SEMA6D: variants seen among roughly 807,000 people sequenced by gnomAD.
The protein encoded by SEMA6D is semaphorin-6D.
In SEMA6D, 35 loss-of-function variants were observed where a neutral mutation model predicts 106.6. That is an observed-to-expected ratio of 0.33 (90% CI 0.25 to 0.44). The LOEUF (loss-of-function observed/expected upper bound fraction) is 0.44, where lower values mean the gene tolerates loss of function less well. Among genes scored for constraint, SEMA6D ranks in the 20% least tolerant of loss-of-function variants. The pLI, the probability that SEMA6D is intolerant of heterozygous loss-of-function variation, is 1.00. For missense variants in SEMA6D, 1,185 were observed against 1,345.9 expected (o/e 0.88, Z 1.87); for synonymous variants, 499 against 487.7 (o/e 1.02, Z -0.31).
At chr15:47,611,543 G>A (rs1438554899) in intron 4 of SEMA6D, among the ~76,000 whole-genome samples, 1 of 152,114 alleles carries the variant, frequency 6.6e-6, no homozygotes, top group Non-Finnish European at 1.5e-5. Flanking sequence ...TTATCATTAG[G>A]CTGACGTAAT....
chr15:47,754,490 T>C (rs2147449744), intron 1 of SEMA6D, among the ~76,000 whole-genome samples: 1 of 152,344 alleles, frequency 6.6e-6, no homozygotes, highest in East Asian at 1.9e-4. Flanking sequence ...CTGGCTTCCA[T>C]TGTTTCTACT....
At chr15:47,765,174 T>C (rs903754081) in intron 13 of SEMA6D, 118 bp downstream of exon 13, 1 of 1,460,334 alleles carries the variant, frequency 6.8e-7, no homozygotes, top group Non-Finnish European at 9.0e-7. Context: ...AATAGTGTTT[T>C]GTGTTTTTTT....
intron 3 of SEMA6D, among the ~76,000 whole-genome samples, chr15:47,520,420 A>AT: frequency 6.6e-6 from 1 of 152,288 alleles, no homozygotes; most frequent in South Asian, 2.1e-4. Flanking sequence ...CCACATCGCA[A>AT]TTTCTCAACA....
In SEMA6D at chr15:47,768,545, C is replaced by G. The variant is rs755571007; in HGVS notation, c.1766-36C>G. On this transcript the variant is annotated intron_variant, in intron 17 of 18. Coordinates refer to ENST00000536845, the MANE Select transcript of SEMA6D (RefSeq NM_001358351.3). ...AGACCAATCAAAAAAAATCTTGACA[C>G]TATCCATATTAATAAAAATCTGTTT... is the stretch of plus-strand genomic sequence containing the variant. The G allele has an allele frequency of 4.0e-6, 6 of 1,497,902 alleles. No homozygotes were observed. The Admixed American group carries it at 1.2e-4, about 29-fold the overall frequency. 92.8% of individuals were successfully genotyped at this position (1,497,902 alleles called of 1,614,324 possible).
At position 47,273,623 on chromosome 15, in the gene SEMA6D, A is replaced by T. The variant is rs576996309; in HGVS notation, c.-239+89205A>T. On this transcript the variant is annotated intron_variant, in intron 1 of 19. Coordinates refer to the SEMA6D transcript ENST00000558014. ...ATGTTAGTCCCCACATCAAATAATA[A>T]GCCTGCTATAATTCCAAACCACTTA... is the stretch of plus-strand genomic sequence containing the variant. Among the ~76,000 whole-genome samples the T allele has an allele frequency of 2.0e-5, 3 of 152,316 alleles. No individual in the cohort carries two copies. The South Asian group carries it at 6.2e-4, about 32-fold the overall frequency.
chr15:47,212,349 TC>T, intron 1 of SEMA6D, among the ~76,000 whole-genome samples: 1 of 152,356 alleles, frequency 6.6e-6, no homozygotes, highest in East Asian at 1.9e-4. Flanking sequence ...TTGAGAAATT[TC>T]ACTTCAGACA....
intron 3 of SEMA6D, among the ~76,000 whole-genome samples, chr15:47,527,262 A>C (rs1223943396): frequency 6.6e-6 from 1 of 152,136 alleles, no homozygotes; most frequent in Non-Finnish European, 1.5e-5. Flanking sequence ...AAATATATAC[A>C]TTTATTAAGA....
intron 1 of SEMA6D, among the ~76,000 whole-genome samples, chr15:47,407,403 C>CAAAAAAAAAAAAAAAA (rs1462088729): frequency 1.1e-4 from 9 of 82,264 alleles, no homozygotes; most frequent in South Asian, 4.1e-4. Flanking sequence ...ACAACAACAA[C>CAAAAAAAAAAAAAAAA]AACAACAAAA....
chr15:47,218,156 G>A (rs568028200), intron 1 of SEMA6D, among the ~76,000 whole-genome samples: 1 of 152,232 alleles, frequency 6.6e-6, no homozygotes. Context: ...GGAAAATGAA[G>A]GAAATGCCTG....
At chr15:47,544,894 C>T (rs150695818) in intron 3 of SEMA6D, among the ~76,000 whole-genome samples, 8 of 151,992 alleles carry the variant, frequency 5.3e-5, no homozygotes, top group South Asian at 2.1e-4. Context: ...ATCTGTTAAA[C>T]GATATGAATG....
At chr15:47,378,645 G>A (rs1258080384) in intron 1 of SEMA6D, among the ~76,000 whole-genome samples, 1 of 152,296 alleles carries the variant, frequency 6.6e-6, no homozygotes, top group East Asian at 1.9e-4. Flanking sequence ...TCCACCAAGT[G>A]CTGCCTCCAA....
chr15:47,328,798 A>C (rs919194173), intron 1 of SEMA6D, among the ~76,000 whole-genome samples: 1 of 152,198 alleles, frequency 6.6e-6, no homozygotes, highest in African/African-American at 2.4e-5. Context: ...GAAATGGCCC[A>C]CCAAAGAGAG....
At chr15:47,402,747 C>CTT (rs11344225) in intron 1 of SEMA6D, among the ~76,000 whole-genome samples, 2,449 of 121,410 alleles carry the variant, frequency 0.02, 79 homozygotes, top group African/African-American at 0.071. Context: ...GTGAGCCAGA[C>CTT]TTTTTTTTTT....
Position 47,770,537 on chromosome 15 carries a change from G to A in SEMA6D, c.1974G>A (p.Met658Ile). ...WEVQSGESNQ[M>I]VHMNVLITCV... is the part of the protein sequence containing the mutation. Reference sequence around the variant, plus strand: ...TCCAGTCTGGAGAGTCCAACCAGATGGTCCACATGAATGTCCTCATCACCT... The same window carrying A: ...TCCAGTCTGGAGAGTCCAACCAGATAGTCCACATGAATGTCCTCATCACCT... The change falls in exon 19 of 19, where the codon ATG becomes ATA. Residue 658 changes from methionine to isoleucine, a missense_variant. Met to Ile is a conservative substitution (Grantham distance 10). This residue lies in a region of SEMA6D where 750 missense variants were observed against 783.5 expected (regional missense o/e 0.96). Transcript: ENST00000536845. 1 of 1,608,854 alleles carries A rather than the reference G, an allele frequency of 6.2e-7. No homozygotes were observed. The highest frequency in any genetic ancestry group is 8.5e-7 in the Non-Finnish European group (1 of 1,175,794).
chr15:47,291,882 C>G (rs1052219625), intron 1 of SEMA6D, among the ~76,000 whole-genome samples: 2 of 152,278 alleles, frequency 1.3e-5, no homozygotes, highest in East Asian at 3.9e-4. Flanking sequence ...CTCTCTCTCT[C>G]AAGTCAGAGT....
At chr15:47,285,806 T>A (rs1210597871) in intron 1 of SEMA6D, among the ~76,000 whole-genome samples, 13 of 152,200 alleles carry the variant, frequency 8.5e-5, no homozygotes, top group African/African-American at 3.1e-4. Flanking sequence ...GTTCCCACCC[T>A]TTTCTCTAGT....
intron 1 of SEMA6D, among the ~76,000 whole-genome samples, chr15:47,380,301 C>T (rs868823278): frequency 6.6e-6 from 1 of 152,192 alleles, no homozygotes; most frequent in Non-Finnish European, 1.5e-5. Context: ...TCTAATGACT[C>T]TTTTGCATTA....
chr15:47,377,252 A>G (rs1231569088), intron 1 of SEMA6D, among the ~76,000 whole-genome samples: 2 of 152,224 alleles, frequency 1.3e-5, no homozygotes, highest in Non-Finnish European at 2.9e-5. Flanking sequence ...GTGATAATAA[A>G]TTTGTGTCTT....
chr15:47,674,013 T>C (rs1174840374), intron 4 of SEMA6D, among the ~76,000 whole-genome samples: 1 of 152,118 alleles, frequency 6.6e-6, no homozygotes, highest in Admixed American at 6.5e-5. Context: ...TTTGGCGGGT[T>C]TGTCTCATGT....
Sources: gnomAD v4.1 joint callset for allele counts (sites outside exome capture counted in the v4.1 genomes callset) on GRCh38, gnomAD v4.1.1 for gene constraint, gnomAD v4.1.1 regional missense constraint, MANE v1.5 for transcripts, NCBI Gene and HGNC (gene_info 2026-07-23, HGNC 2026-07-21) for gene names.